LARGE1: variants seen among roughly 807,000 people sequenced by gnomAD.
The protein encoded by LARGE1 is xylosyl- and glucuronyltransferase LARGE1.
In LARGE1, 43 loss-of-function variants were observed where a neutral mutation model predicts 87.6. The observed-to-expected ratio is 0.49, with a 90% CI of 0.38 to 0.63. LARGE1 has a LOEUF of 0.63. LARGE1 is among the 30% of genes least tolerant of loss of function. The pLI, the probability that LARGE1 is intolerant of heterozygous loss-of-function variation, is 0.00. For missense variants in LARGE1, 802 were observed against 1,000.2 expected (o/e 0.80, Z 2.67); for synonymous variants, 434 against 394.6 (o/e 1.10, Z -1.18).
intron 9 of LARGE1, among the ~76,000 whole-genome samples, chr22:33,363,216 C>T (rs115711752): frequency 8.7e-5 from 13 of 149,770 alleles, no homozygotes; most frequent in African/African-American, 3.2e-4. Context: ...AGAATGGTTG[C>T]CTGAAACCAT....
chr22:33,415,489 T>G (rs1433200155), intron 7 of LARGE1, among the ~76,000 whole-genome samples: 1 of 152,182 alleles, frequency 6.6e-6, no homozygotes, highest in Non-Finnish European at 1.5e-5. Flanking sequence ...GAAGCAATGG[T>G]AGAGCAACTC....
chr22:33,446,950 G>GTGGCA (rs2067708686), intron 6 of LARGE1, among the ~76,000 whole-genome samples: 1 of 152,326 alleles, frequency 6.6e-6, no homozygotes, highest in Admixed American at 6.5e-5. Context: ...CTGGAATTCA[G>GTGGCA]TGGCACCATC....
chr22:33,866,794 C>G (rs1469259101), intron 1 of LARGE1, among the ~76,000 whole-genome samples: 1 of 152,094 alleles, frequency 6.6e-6, no homozygotes, highest in Non-Finnish European at 1.5e-5. Flanking sequence ...CCAAACATAG[C>G]AGACACTCAG....
intron 11 of LARGE1, among the ~76,000 whole-genome samples, chr22:33,206,913 AGCC>A (rs1924716078): frequency 6.6e-6 from 1 of 152,230 alleles, no homozygotes; most frequent in Admixed American, 6.5e-5. Flanking sequence ...TAAAATGTCC[AGCC>A]CAGTTAGTCC....
At chr22:33,496,228 C>T (rs950142873) in intron 6 of LARGE1, among the ~76,000 whole-genome samples, 13 of 152,028 alleles carry the variant, frequency 8.6e-5, no homozygotes, top group African/African-American at 3.1e-4. Context: ...TTAGATTGTC[C>T]CCACCCAGAT....
intron 6 of LARGE1, among the ~76,000 whole-genome samples, chr22:33,477,621 C>T (rs1037794076): frequency 3.9e-5 from 6 of 152,182 alleles, no homozygotes; most frequent in African/African-American, 1.2e-4. Flanking sequence ...CGCACCCCCA[C>T]GTTCGCCACA....
intron 1 of LARGE1, among the ~76,000 whole-genome samples, chr22:33,826,028 A>T (rs1349731639): frequency 6.6e-6 from 1 of 152,152 alleles, no homozygotes; most frequent in Admixed American, 6.5e-5. Flanking sequence ...CGCTGTCCAG[A>T]TCACATTTCA....
chr22:33,331,032 T>C (rs2146481859), intron 10 of LARGE1, among the ~76,000 whole-genome samples: 1 of 152,252 alleles, frequency 6.6e-6, no homozygotes, highest in Middle Eastern at 3.4e-3. Flanking sequence ...TTTACCAGAG[T>C]TGCTAATAAA....
chr22:33,874,639 C>A (rs1276744303), intron 1 of LARGE1, among the ~76,000 whole-genome samples: 1 of 152,194 alleles, frequency 6.6e-6, no homozygotes, highest in Non-Finnish European at 1.5e-5. Context: ...TTCCACCCAA[C>A]GATCACTGGA....
intron 2 of LARGE1, chr22:33,744,035 T>C (rs1461908801): frequency 6.6e-6 from 1 of 152,234 alleles, no homozygotes; most frequent in African/African-American, 2.4e-5. Flanking sequence ...CCAGTCCAAG[T>C]GCGTGCAAAT....
Position 33,548,541 on chromosome 22 carries a change from G to A in LARGE1, c.787+16307C>T, listed in dbSNP as rs570122527. Among the ~76,000 whole-genome samples the A allele has an allele frequency of 5.6e-4, 85 of 152,040 alleles. 3 individuals carry two copies. In the South Asian group the frequency reaches 0.017, roughly 31 times the overall value. The stretch of plus-strand genomic sequence containing the variant: ...GGCGATTCCCCTGCCTTAGCCTCCC[G>A]AGTAGCTGGGATTTCAGGCATGTGC... On this transcript the variant is annotated intron_variant, in intron 6 of 14. Coordinates refer to ENST00000397394, the MANE Select transcript of LARGE1 (RefSeq NM_133642.5).
intron 5 of LARGE1, among the ~76,000 whole-genome samples, chr22:33,601,963 G>T (rs2079124780): frequency 1.3e-5 from 2 of 152,090 alleles, no homozygotes; most frequent in East Asian, 3.9e-4. Context: ...AGACCTCATG[G>T]AAGGGGCTTC....
At chr22:33,861,145 G>A (rs17809399) in intron 1 of LARGE1, among the ~76,000 whole-genome samples, 31,966 of 151,916 alleles carry the variant, frequency 0.21, 4,095 homozygotes, top group East Asian at 0.32. Flanking sequence ...TCCCATCTGT[G>A]CGGCAAGGAA....
At chr22:33,783,548 G>A (rs1372240967) in intron 1 of LARGE1, among the ~76,000 whole-genome samples, 2 of 152,190 alleles carry the variant, frequency 1.3e-5, no homozygotes, top group Non-Finnish European at 2.9e-5. Flanking sequence ...CTGGGCAACA[G>A]AGCGAAACTC....
intron 2 of LARGE1, among the ~76,000 whole-genome samples, chr22:33,726,765 C>T (rs1464921710): frequency 6.6e-6 from 1 of 152,184 alleles, no homozygotes; most frequent in Non-Finnish European, 1.5e-5. Flanking sequence ...TGGGGCACTA[C>T]ACTGGGACTC....
In LARGE1 at chr22:33,358,890, C is replaced by T. The variant is rs536959603; in HGVS notation, c.1132-21089G>A. 4.6e-5 allele frequency among the ~76,000 whole-genome samples: 7 copies of T among 151,538 alleles called. No homozygotes were observed. In the South Asian group the frequency reaches 1.0e-3, roughly 23 times the overall value. On this transcript the variant is annotated intron_variant, in intron 9 of 14. Transcript: ENST00000397394. ...GCAGGCACCTGTAGTCCCAGCTACT[C>T]GGGAGGCTGAGGCAGGAGAATGGTG...
chr22:33,888,010 C>G (rs998707717), intron 1 of LARGE1, among the ~76,000 whole-genome samples: 1 of 152,184 alleles, frequency 6.6e-6, no homozygotes, highest in Non-Finnish European at 1.5e-5. Flanking sequence ...AAGATGGTGG[C>G]CCCACCCTGT....
intron 2 of LARGE1, among the ~76,000 whole-genome samples, chr22:33,700,110 C>G (rs1467432822): frequency 6.6e-6 from 1 of 152,094 alleles, no homozygotes; most frequent in Non-Finnish European, 1.5e-5. Flanking sequence ...GGAAAGGCAA[C>G]AAATCTACGT....
At chr22:33,382,196 G>T in intron 8 of LARGE1, 152 bp from the exon 9 acceptor site, 2 of 948,264 alleles carry the variant, frequency 2.1e-6, no homozygotes, top group Non-Finnish European at 3.1e-6. Flanking sequence ...CATCTCTCTT[G>T]CCTGTTATCT....
Sources: allele counts gnomAD v4.1 joint callset (sites outside exome capture counted in the v4.1 genomes callset), GRCh38; gene constraint gnomAD v4.1.1; transcripts MANE v1.5; gene names NCBI Gene and HGNC (gene_info 2026-07-23, HGNC 2026-07-21).